MDGA2: variants seen among roughly 807,000 people sequenced by gnomAD.
The protein encoded by MDGA2 is MAM domain containing glycosylphosphatidylinositol anchor 2.
Under a neutral mutation model 117.8 loss-of-function variants are expected in MDGA2, and 40 were observed. That is an observed-to-expected ratio of 0.34 (90% confidence interval 0.26 to 0.44). The LOEUF is 0.44. Ranked by LOEUF, MDGA2 falls within the 20% of genes least tolerant of loss-of-function variation. The pLI, the probability that MDGA2 is intolerant of heterozygous loss-of-function variation, is 1.00. For synonymous variants in MDGA2, 452 were observed against 439.0 expected, an observed-to-expected ratio of 1.03 and a Z score of -0.37; for missense variants, 1,123 against 1,250.6, an observed-to-expected ratio of 0.90 and a Z score of 1.54.
chr14:46,925,764 C>T (rs1884308265), intron 9 of MDGA2, among the ~76,000 whole-genome samples: 1 of 151,464 alleles, frequency 6.6e-6, no homozygotes. Context: ...TCTACTGGGA[C>T]CAAAGAAAGG....
intron 10 of MDGA2, among the ~76,000 whole-genome samples, chr14:46,916,240 C>T (rs1883892085): frequency 6.6e-6 from 1 of 152,084 alleles, no homozygotes; most frequent in Non-Finnish European, 1.5e-5. Context: ...AAGACTTGTT[C>T]AAAATCCCAT....
At chr14:47,532,712 C>A (rs1241057392) in intron 1 of MDGA2, among the ~76,000 whole-genome samples, 1 of 152,116 alleles carries the variant, frequency 6.6e-6, no homozygotes, top group Non-Finnish European at 1.5e-5. Flanking sequence ...TTCTTTGTAT[C>A]AGTTAAAACT....
At chr14:46,877,860 A>T (rs1388238890) in intron 11 of MDGA2, among the ~76,000 whole-genome samples, 1 of 151,924 alleles carries the variant, frequency 6.6e-6, no homozygotes, top group Non-Finnish European at 1.5e-5. Context: ...AACTAGGCCA[A>T]TCTATAATCT....
At chr14:47,525,922 T>G (rs1247657768) in intron 1 of MDGA2, among the ~76,000 whole-genome samples, 1 of 152,114 alleles carries the variant, frequency 6.6e-6, no homozygotes, top group Non-Finnish European at 1.5e-5. Context: ...ATTATATATA[T>G]GTAGGCACAT....
intron 9 of MDGA2, among the ~76,000 whole-genome samples, chr14:46,951,566 A>T (rs1340000208): frequency 6.6e-6 from 1 of 151,964 alleles, no homozygotes; most frequent in Non-Finnish European, 1.5e-5. Context: ...CCATGGGACA[A>T]ACTATTGCAG....
At chr14:47,653,581 T>C (rs745659255) in intron 1 of MDGA2, among the ~76,000 whole-genome samples, 20 of 152,124 alleles carry the variant, frequency 1.3e-4, no homozygotes, top group Non-Finnish European at 2.8e-4. Context: ...CCAAAAGAAG[T>C]TCACATCCTA....
intron 3 of MDGA2, among the ~76,000 whole-genome samples, chr14:47,215,504 T>C (rs1886053398): frequency 2.0e-5 from 3 of 152,134 alleles, no homozygotes; most frequent in Admixed American, 2.0e-4. Flanking sequence ...AGGTTGTATT[T>C]GGAGCACATG....
intron 1 of MDGA2, among the ~76,000 whole-genome samples, chr14:47,314,813 G>A (rs919222994): frequency 2.0e-5 from 3 of 152,042 alleles, no homozygotes; most frequent in African/African-American, 7.2e-5. Flanking sequence ...TTAATAAAGT[G>A]TGAAAAATCC....
chr14:47,509,508 A>G (rs1894593494), intron 1 of MDGA2, among the ~76,000 whole-genome samples: 1 of 152,146 alleles, frequency 6.6e-6, no homozygotes. Flanking sequence ...TACCTTTCAA[A>G]GGATATGACG....
intron 2 of MDGA2, among the ~76,000 whole-genome samples, chr14:47,263,039 G>A (rs573207066): frequency 4.6e-5 from 7 of 152,068 alleles, no homozygotes; most frequent in South Asian, 2.1e-4. Context: ...AGGGCCTATC[G>A]GGCTGTGGGG....
At chr14:47,471,198 G>A (rs1045931152) in intron 1 of MDGA2, among the ~76,000 whole-genome samples, 1 of 151,912 alleles carries the variant, frequency 6.6e-6, no homozygotes, top group Non-Finnish European at 1.5e-5. Flanking sequence ...TTAAAGATGA[G>A]GGGGAGATAT....
intron 3 of MDGA2, among the ~76,000 whole-genome samples, chr14:47,201,303 C>G (rs1028968485): frequency 3.9e-5 from 6 of 152,212 alleles, no homozygotes; most frequent in Non-Finnish European, 7.3e-5. Context: ...CTAATACCCT[C>G]TACTGAAAGG....
chr14:46,898,395 G>A (rs780084554), intron 10 of MDGA2, among the ~76,000 whole-genome samples: 10 of 152,052 alleles, frequency 6.6e-5, no homozygotes, highest in East Asian at 3.9e-4. Flanking sequence ...AGAGAAAGGC[G>A]TCAAGGTACA....
intron 1 of MDGA2, among the ~76,000 whole-genome samples, chr14:47,578,455 T>G (rs1243528724): frequency 2.6e-5 from 4 of 151,984 alleles, no homozygotes; most frequent in Non-Finnish European, 5.9e-5. Flanking sequence ...TTGAGCAAAA[T>G]GATGTCCCAA....
intron 1 of MDGA2, among the ~76,000 whole-genome samples, chr14:47,536,746 G>A (rs1895220046): frequency 6.6e-6 from 1 of 152,108 alleles, no homozygotes; most frequent in African/African-American, 2.4e-5. Flanking sequence ...ATAGTAAAAG[G>A]ATTTTACTTA....
At chr14:47,196,186 A>C (rs1885282827) in intron 3 of MDGA2, among the ~76,000 whole-genome samples, 1 of 152,142 alleles carries the variant, frequency 6.6e-6, no homozygotes, top group Non-Finnish European at 1.5e-5. Context: ...ACCTTAAAAT[A>C]AGCTAAATAA....
chr14:47,068,744 G>A (rs2138825873), intron 6 of MDGA2, among the ~76,000 whole-genome samples: 1 of 152,142 alleles, frequency 6.6e-6, no homozygotes, highest in African/African-American at 2.4e-5. Context: ...AGAAAGATTG[G>A]TACAAAATAT....
intron 10 of MDGA2, among the ~76,000 whole-genome samples, chr14:46,883,369 A>T (rs1882540794): frequency 6.6e-6 from 1 of 152,048 alleles, no homozygotes; most frequent in South Asian, 2.1e-4. Context: ...GATGGAGAAA[A>T]ATTTGGGAAA....
chr14:47,131,084 T>C (rs752927385), intron 5 of MDGA2, among the ~76,000 whole-genome samples: 1 of 151,962 alleles, frequency 6.6e-6, no homozygotes, highest in South Asian at 2.1e-4. Flanking sequence ...GTTCAAATTT[T>C]AATTTATTAA....
Sources: allele counts gnomAD v4.1 joint callset (sites outside exome capture counted in the v4.1 genomes callset), GRCh38; gene constraint gnomAD v4.1.1; transcripts MANE v1.5; gene names NCBI Gene and HGNC (gene_info 2026-07-23, HGNC 2026-07-21).